Variants in LPCAT2 observed in about 807,000 individuals in gnomAD.
LPCAT2 encodes the protein lysophosphatidylcholine acyltransferase 2, also known as 1-AGP acyltransferase 11.
In LPCAT2, 58 loss-of-function variants were observed where a neutral mutation model predicts 64.7. The ratio of observed to expected loss-of-function variants is 0.90; its 90% CI spans 0.73 to 1.12. The LOEUF (loss-of-function observed/expected upper bound fraction) is 1.12, where lower values mean the gene tolerates loss of function less well. Among genes scored for constraint, LPCAT2 ranks in the 50% most tolerant of loss-of-function variants. The pLI, the probability that LPCAT2 is intolerant of heterozygous loss-of-function variation, is 0.00. For synonymous variants in LPCAT2, 252 were observed against 245.3 expected (o/e 1.03, Z -0.26); for missense variants, 579 against 669.8 (o/e 0.86, Z 1.50).
chr16:55,571,093 A>G (rs891082401), intron 11 of LPCAT2, among the ~76,000 whole-genome samples: 3 of 152,178 alleles, frequency 2.0e-5, no homozygotes, highest in Non-Finnish European at 2.9e-5. Context: ...GGAGTTTATC[A>G]TTGCAAAATG....
intron 10 of LPCAT2, 88 bp from the exon 11 acceptor site, chr16:55,550,861 A>C: frequency 8.9e-7 from 1 of 1,122,180 alleles, no homozygotes; most frequent in South Asian, 2.4e-5. Flanking sequence ...TTTTTCTCCC[A>C]GATACATTAA....
Position 55,584,223 on chromosome 16 carries a change from T to C in LPCAT2, c.*1125T>C, listed in dbSNP as rs1249904095. On this transcript the variant is annotated 3_prime_UTR_variant, in exon 14 of 14. Transcript: ENST00000262134. Reference sequence around the variant, plus strand: ...ATAAATGAATCAGATTTGTTCTATTTATATAATATTAGAATTAATATATTA... The same window carrying C: ...ATAAATGAATCAGATTTGTTCTATTCATATAATATTAGAATTAATATATTA... 6.6e-6 allele frequency: 1 copy of C among 152,212 alleles called. No individual in the cohort carries two copies. The highest frequency in any genetic ancestry group is 2.4e-5 in the African/African-American group (1 of 41,470). 9.4% of individuals were successfully genotyped at this position (152,212 alleles called of 1,614,324 possible).
At chr16:55,516,098 CTTTA>C (rs1310183987) in intron 1 of LPCAT2, among the ~76,000 whole-genome samples, 5 of 152,200 alleles carry the variant, frequency 3.3e-5, no homozygotes, top group East Asian at 1.9e-4. Context: ...GAGAGACACA[CTTTA>C]TTTATTCATT....
chr16:55,512,011 C>T (rs1962939506), intron 1 of LPCAT2, among the ~76,000 whole-genome samples: 1 of 152,128 alleles, frequency 6.6e-6, no homozygotes, highest in South Asian at 2.1e-4. Context: ...CCCAGTATAC[C>T]ACCATACTTC....
At chr16:55,549,665 C>T (rs932949526) in intron 10 of LPCAT2, among the ~76,000 whole-genome samples, 4 of 152,180 alleles carry the variant, frequency 2.6e-5, no homozygotes, top group Admixed American at 2.0e-4. Context: ...TGCCTCCCTA[C>T]TCAGAGGGAG....
At chr16:55,546,457 A>G (rs1963454623) in intron 9 of LPCAT2, among the ~76,000 whole-genome samples, 1 of 152,152 alleles carries the variant, frequency 6.6e-6, no homozygotes, top group Non-Finnish European at 1.5e-5. Flanking sequence ...CACCTCTGTC[A>G]TTCCCAGTAG....
chr16:55,534,363 T>C, intron 6 of LPCAT2, 80 bp from the exon 7 acceptor site: 1 of 818,866 alleles, frequency 1.2e-6, no homozygotes, highest in Non-Finnish European at 2.1e-6. Flanking sequence ...AATACATGAA[T>C]CCCCATATTA....
chr16:55,565,227 G>A (rs1963679965), intron 11 of LPCAT2, among the ~76,000 whole-genome samples: 1 of 152,034 alleles, frequency 6.6e-6, no homozygotes, highest in African/African-American at 2.4e-5. Flanking sequence ...GCAAGCATAT[G>A]GAGTAATTGG....
intron 8 of LPCAT2, chr16:55,541,519 T>TAC (rs146753997): frequency 1.3e-3 from 204 of 153,084 alleles, no homozygotes; most frequent in South Asian, 6.9e-3. Context: ...ATCATACAAC[T>TAC]ACACACACAC....
At position 55,552,312 on chromosome 16, in the gene LPCAT2, A is replaced by G. The variant is rs369232939; in HGVS notation, c.1215+1210A>G. Among the ~76,000 whole-genome samples the G allele has an allele frequency of 4.7e-4, 72 of 152,324 alleles. 1 individual carries two copies. The South Asian group carries it at 0.013, about 27-fold the overall frequency. ...TCATTGCTGAGTAGTATTCAATTGT[A>G]TAGATGTACCATAGTTACTTTATCT... is the stretch of plus-strand genomic sequence containing the variant. On this transcript the variant is annotated intron_variant, in intron 11 of 13. Transcript: ENST00000262134.
At chr16:55,535,912 A>C (rs1335258761) in intron 7 of LPCAT2, among the ~76,000 whole-genome samples, 45 of 152,198 alleles carry the variant, frequency 3.0e-4, no homozygotes, top group Non-Finnish European at 1.0e-4. Flanking sequence ...AGACGGGTTT[A>C]GTTAATCTAG....
intron 9 of LPCAT2, among the ~76,000 whole-genome samples, chr16:55,547,805 T>TC (rs1963470786): frequency 6.6e-6 from 1 of 152,204 alleles, no homozygotes; most frequent in Non-Finnish European, 1.5e-5. Context: ...TCTTGCTCTG[T>TC]CACTCAGGCT....
intron 11 of LPCAT2, chr16:55,557,094 C>G (rs1425523301): frequency 6.6e-6 from 1 of 152,134 alleles, no homozygotes; most frequent in Non-Finnish European, 1.5e-5. Flanking sequence ...TATGATATGT[C>G]TGAGGTTTAG....
intron 12 of LPCAT2, among the ~76,000 whole-genome samples, chr16:55,575,291 T>C (rs1229252528): frequency 6.6e-6 from 1 of 152,180 alleles, no homozygotes; most frequent in Non-Finnish European, 1.5e-5. Context: ...TGAATAAAAT[T>C]CATGTCCCTG....
intron 1 of LPCAT2, among the ~76,000 whole-genome samples, chr16:55,521,875 A>C (rs962413127): frequency 1.3e-5 from 2 of 151,688 alleles, no homozygotes; most frequent in Non-Finnish European, 3.0e-5. Flanking sequence ...CATCTACAAA[A>C]CACCCACAAT....
At chr16:55,551,496 C>G (rs1283508519) in intron 11 of LPCAT2, among the ~76,000 whole-genome samples, 1 of 151,974 alleles carries the variant, frequency 6.6e-6, no homozygotes, top group African/African-American at 2.4e-5. Context: ...AAATTTATAT[C>G]AAAACTCATA....
rs201499798 is a variant in LPCAT2, at chr16:55,531,887, T to C, written c.643-27T>C. The C allele has an allele frequency of 9.7e-4, 1,344 of 1,380,120 alleles. 9 individuals carry two copies. Among genetic ancestry groups the C allele is most frequent in the South Asian group, 7.4e-3 (631 of 84,786 alleles). 85.5% of individuals were successfully genotyped at this position (1,380,120 alleles called of 1,614,324 possible). On this transcript the variant is annotated intron_variant, in intron 4 of 13. Transcript: ENST00000262134. ...AGGTAATTTATTAATTAGATTGAAA[T>C]ATTAAATCTATTCCTTTTTTCCCAA...
chr16:55,581,008 T>A lies in LPCAT2; in HGVS notation c.1450+1764T>A, dbSNP rs569067637. Among the ~76,000 whole-genome samples, 7 of 152,296 alleles carry A rather than the reference T, an allele frequency of 4.6e-5. No homozygotes were observed. In the South Asian group the frequency reaches 1.5e-3, roughly 32 times the overall value. ...ATGAAACCAGTCCCTGGTGCCAAAA[T>A]GGTTGGGGACTGCTGCCTTAAATTA... On this transcript the variant is annotated intron_variant, in intron 13 of 13. Coordinates refer to ENST00000262134, the MANE Select transcript of LPCAT2 (RefSeq NM_017839.5).
At chr16:55,536,941 T>G (rs1291179810) in intron 7 of LPCAT2, among the ~76,000 whole-genome samples, 2 of 152,198 alleles carry the variant, frequency 1.3e-5, no homozygotes, top group African/African-American at 4.8e-5. Flanking sequence ...AAACATTTAT[T>G]AATAACTGGG....
Sources: allele counts gnomAD v4.1 joint callset (sites outside exome capture counted in the v4.1 genomes callset), GRCh38; gene constraint gnomAD v4.1.1; transcripts MANE v1.5; gene names NCBI Gene and HGNC (gene_info 2026-07-23, HGNC 2026-07-21).